Variants in ADGRV1 observed in about 807,000 individuals in gnomAD.
ADGRV1 encodes the protein adhesion G protein-coupled receptor V1.
Under a neutral mutation model 596.2 loss-of-function variants are expected in ADGRV1, and 359 were observed. The ratio of observed to expected loss-of-function variants is 0.60; its 90% confidence interval spans 0.55 to 0.66. The LOEUF (loss-of-function observed/expected upper bound fraction) is 0.66. Ranked by LOEUF, ADGRV1 falls within the 30% of genes least tolerant of loss-of-function variation. ADGRV1 has a pLI of 0.00. For missense variants in ADGRV1, 7,274 were observed against 7,575.6 expected, an observed-to-expected ratio of 0.96 and a Z score of 1.48; for synonymous variants, 2,681 against 2,679.2, an observed-to-expected ratio of 1.00 and a Z score of -0.02.
rs1761503493 is a variant in ADGRV1 at position 90,802,725 on chromosome 5, C to A, written c.14518-14C>A. 1 of 1,603,986 alleles carries A rather than the reference C, an allele frequency of 6.2e-7. No homozygotes were observed. Among genetic ancestry groups the A allele is most frequent in the Non-Finnish European group, 8.5e-7 (1 of 1,174,276 alleles). Reference sequence around the variant, plus strand: ...GAAAATTATTTCTAAATCACTGACACTGTTTGTTTATAGGTCTTCCTATCA... The same window carrying A: ...GAAAATTATTTCTAAATCACTGACAATGTTTGTTTATAGGTCTTCCTATCA... On this transcript the variant is annotated splice_polypyrimidine_tract_variant and intron_variant, in intron 70 of 89. Coordinates refer to ENST00000405460, the MANE Select transcript of ADGRV1 (RefSeq NM_032119.4).
intron 83 of ADGRV1, among the ~76,000 whole-genome samples, chr5:90,877,046 CA>C (rs1769281549): frequency 6.6e-6 from 1 of 151,704 alleles, no homozygotes; most frequent in Non-Finnish European, 1.5e-5. Flanking sequence ...TAGTGGGAAC[CA>C]AAAAAGAGTT....
At chr5:91,045,811 A>T (rs1785755083) in intron 85 of ADGRV1, among the ~76,000 whole-genome samples, 1 of 152,198 alleles carries the variant, frequency 6.6e-6, no homozygotes, top group South Asian at 2.1e-4. Context: ...AACCGATAAA[A>T]GAATTCAGCA....
At chr5:90,656,834 A>G (rs561327932) in intron 20 of ADGRV1, among the ~76,000 whole-genome samples, 1 of 152,328 alleles carries the variant, frequency 6.6e-6, no homozygotes, top group South Asian at 2.1e-4. Flanking sequence ...ACGAACAGGT[A>G]AAGAAAGGAG....
intron 85 of ADGRV1, among the ~76,000 whole-genome samples, chr5:90,993,993 TCC>T (rs373991977): frequency 6.6e-6 from 1 of 151,762 alleles, no homozygotes; most frequent in African/African-American, 2.4e-5. Flanking sequence ...TTTTTTTTCT[TCC>T]TGGTTATACC....
chr5:91,145,374 A>G (rs1390712227), intron 87 of ADGRV1, among the ~76,000 whole-genome samples: 2 of 152,232 alleles, frequency 1.3e-5, no homozygotes, highest in Non-Finnish European at 2.9e-5. Context: ...CTTTTACCCT[A>G]TCACTTCACA....
intron 18 of ADGRV1, among the ~76,000 whole-genome samples, chr5:90,652,089 A>G (rs1335525816): frequency 6.6e-6 from 1 of 152,090 alleles, no homozygotes; most frequent in African/African-American, 2.4e-5. Flanking sequence ...ACTGTCATTT[A>G]GTATTTTTTG....
At chr5:90,750,725 C>T in intron 53 of ADGRV1, 28 bp downstream of exon 53, 1 of 1,584,422 alleles carries the variant, frequency 6.3e-7, no homozygotes, top group African/African-American at 1.3e-5. Flanking sequence ...TTATAGGAAA[C>T]ACTTTTAAAT....
At chr5:91,139,214 T>C (rs1794900889) in intron 87 of ADGRV1, among the ~76,000 whole-genome samples, 1 of 152,256 alleles carries the variant, frequency 6.6e-6, no homozygotes, top group African/African-American at 2.4e-5. Context: ...CATGAGAATG[T>C]TTCTAAAACA....
At position 90,829,196 on chromosome 5, in the gene ADGRV1, G is replaced by A. The variant is rs752450155; in HGVS notation, c.16611+10G>A. The A allele has an allele frequency of 2.8e-5, 42 of 1,486,442 alleles. No homozygotes were observed. The South Asian group carries it at 6.2e-4, about 22-fold the overall frequency. 92.1% of individuals were successfully genotyped at this position (1,486,442 alleles called of 1,614,324 possible). A position where few individuals can be genotyped will look rare whatever the true frequency, so the allele number is the denominator to read the frequency against. ...TAACTTTAGTACCCAGGTAAGCATGGAATATATATATTCATACACGTTATG... is the reference window on the plus strand; with the variant it reads ...TAACTTTAGTACCCAGGTAAGCATGAAATATATATATTCATACACGTTATG... On this transcript the variant is annotated intron_variant, in intron 77 of 89. Transcript: ENST00000405460.
At chr5:90,960,125 C>A in intron 83 of ADGRV1, among the ~76,000 whole-genome samples, 1 of 135,500 alleles carries the variant, frequency 7.4e-6, no homozygotes, top group African/African-American at 3.0e-5. Flanking sequence ...GGTGACAGAC[C>A]GAGACTCATC....
intron 85 of ADGRV1, among the ~76,000 whole-genome samples, chr5:91,013,316 T>C (rs1427965348): frequency 6.6e-6 from 1 of 152,154 alleles, no homozygotes; most frequent in Non-Finnish European, 1.5e-5. Context: ...TGGACTAATT[T>C]ACATTAGCAC....
Position 90,721,034 on chromosome 5 carries a change from A to G in ADGRV1, c.9723A>G (p.Thr3241=). 1.2e-6 allele frequency: 2 copies of G among 1,612,322 alleles called. No individual in the cohort carries two copies. Among genetic ancestry groups the G allele is most frequent in the Non-Finnish European group, 1.7e-6 (2 of 1,178,864 alleles). The change falls in exon 45 of 90, where the codon ACA becomes ACG. Residue 3241 remains threonine, a synonymous_variant. Coordinates refer to ENST00000405460, the MANE Select transcript of ADGRV1 (RefSeq NM_032119.4). ...IDLAVSVQWE[T]VSETAFGMRG... The stretch of plus-strand genomic sequence containing the variant: ...TGGCTGTGAGTGTGCAGTGGGAGAC[A>G]GTATCTGAAACAGCCTTTGGCATGA...
chr5:90,882,866 T>C (rs1286483664), intron 83 of ADGRV1, among the ~76,000 whole-genome samples: 1 of 151,294 alleles, frequency 6.6e-6, no homozygotes, highest in South Asian at 2.1e-4. Context: ...ATTTCAAAAT[T>C]TCAAAATTAT....
chr5:90,661,871 C>G (rs1244177228), intron 21 of ADGRV1, among the ~76,000 whole-genome samples: 1 of 152,074 alleles, frequency 6.6e-6, no homozygotes, highest in Non-Finnish European at 1.5e-5. Flanking sequence ...TTTTCTATGT[C>G]TTATGCATTT....
At chr5:90,852,733 C>G (rs1041361723) in intron 79 of ADGRV1, among the ~76,000 whole-genome samples, 1 of 152,154 alleles carries the variant, frequency 6.6e-6, no homozygotes, top group Non-Finnish European at 1.5e-5. Flanking sequence ...TCAAAACAGA[C>G]TTGTTAAGTG....
chr5:91,092,527 T>C (rs767789384), intron 86 of ADGRV1: 1 of 152,196 alleles, frequency 6.6e-6, no homozygotes, highest in Non-Finnish European at 1.5e-5. Context: ...TACATCAGGA[T>C]AAACAAAAGG....
chr5:90,676,156 T>C lies in ADGRV1; in HGVS notation c.5390T>C (p.Ile1797Thr), dbSNP rs1402979544. The C allele has an allele frequency of 6.2e-7, 1 of 1,607,974 alleles. No individual in the cohort carries two copies. Residue 1797 changes from isoleucine (I) to threonine (T), a missense_variant, in exon 25 of 90, where the codon ATT (isoleucine) becomes ACT (threonine). Transcript: ENST00000405460. ...TTCATAAACATCACTGATAATTCTA[T>C]TCCTGAACTGGAAAAATCTTTTAAA... is the stretch of plus-strand genomic sequence containing the variant. ...YIFINITDNS[I>T]PELEKSFKVE... is the part of the protein sequence containing the mutation.
chr5:90,887,051 C>G (rs1770368609), intron 83 of ADGRV1, among the ~76,000 whole-genome samples: 1 of 152,186 alleles, frequency 6.6e-6, no homozygotes, highest in Non-Finnish European at 1.5e-5. Flanking sequence ...TTAAAGATGT[C>G]ATGCGTGTCC....
intron 87 of ADGRV1, among the ~76,000 whole-genome samples, chr5:91,126,552 G>A (rs1329845899): frequency 6.6e-6 from 1 of 152,194 alleles, no homozygotes; most frequent in Non-Finnish European, 1.5e-5. Flanking sequence ...GCAGTCTGGT[G>A]GCCTTGAGCA....
Sources: gnomAD v4.1 joint callset for allele counts (sites outside exome capture counted in the v4.1 genomes callset) on GRCh38, gnomAD v4.1.1 for gene constraint, MANE v1.5 for transcripts, NCBI Gene and HGNC (gene_info 2026-07-23, HGNC 2026-07-21) for gene names.